The following MAP7D2 variants were observed in gnomAD, a reference collection of about 807,000 sequenced individuals.
The protein encoded by MAP7D2 is MAP7 domain containing 2.
A neutral mutation model predicts 63.5 loss-of-function variants in MAP7D2; 33 were observed. That is an observed-to-expected ratio of 0.52 (90% CI 0.39 to 0.70). The LOEUF (loss-of-function observed/expected upper bound fraction) is 0.70, where lower values mean the gene tolerates loss of function less well. Among genes scored for constraint, MAP7D2 ranks in the 30% least tolerant of loss-of-function variants. The pLI is 0.00. For missense variants in MAP7D2, 626 were observed against 604.0 expected (o/e 1.04, Z -0.38); for synonymous variants, 224 against 223.7 (o/e 1.00, Z -0.01).
intron 1 of MAP7D2, among the ~76,000 whole-genome samples, chrX:20,107,007 ACACACAG>A (rs895002368): frequency 9.1e-5 from 10 of 109,993 alleles, no homozygotes; most frequent in Non-Finnish European, 1.5e-4. Context: ...AAAAAGGACT[ACACACAG>A]AGCTGATGAA....
rs1294095668 is a variant in MAP7D2, at chrX:20,025,667, G to A, written c.1279+14C>T. ...ACCGTCTTGGGAAAGCCAAGGCACG[G>A]TGGCAGCATCTACCTGCGCTGTTTT... On this transcript the variant is annotated intron_variant, in intron 9 of 16. Transcript: ENST00000379643. 1 of 1,210,233 alleles carries A rather than the reference G, an allele frequency of 8.3e-7. No homozygotes were observed. The highest frequency in any genetic ancestry group is 3.0e-5 in the East Asian group (1 of 33,803).
chrX:20,096,534 T>TACATTGG (rs2066275655), intron 1 of MAP7D2, among the ~76,000 whole-genome samples: 1 of 109,371 alleles, frequency 9.1e-6, no homozygotes, highest in African/African-American at 3.3e-5. Context: ...AATGAGTCAG[T>TACATTGG]ACATTGGATA....
Position 20,037,098 on chromosome X carries a change from G to A in MAP7D2, c.1007+5404C>T, listed in dbSNP as rs1213345847. Among the ~76,000 whole-genome samples the A allele has an allele frequency of 3.7e-5, 4 of 109,208 alleles. No individual in the cohort carries two copies. The Admixed American group carries it at 4.0e-4, about 11-fold the overall frequency. 94.8% of individuals were successfully genotyped at this position (109,208 alleles called of 115,157 possible). On this transcript the variant is annotated intron_variant, in intron 8 of 16. Coordinates refer to ENST00000379643, the MANE Select transcript of MAP7D2 (RefSeq NM_001168465.2). ...ACTTCTAGAGGGACAGAAGTAATAG[G>A]ATAGATGTATATATAAAGGGGAGTT... is the stretch of plus-strand genomic sequence containing the variant.
intron 10 of MAP7D2, among the ~76,000 whole-genome samples, chrX:20,019,865 C>T (rs1240351330): frequency 9.0e-6 from 1 of 111,487 alleles, no homozygotes; most frequent in East Asian, 2.8e-4. Context: ...CACTCTGCTG[C>T]CCAACTCCAG....
intron 4 of MAP7D2, among the ~76,000 whole-genome samples, chrX:20,054,530 G>T (rs996957335): frequency 5.4e-5 from 6 of 110,416 alleles, no homozygotes; most frequent in African/African-American, 1.3e-4. Context: ...TTTCACCCTG[G>T]CCCGGGCCCT....
chrX:20,112,019 G>C (rs1393005967), intron 1 of MAP7D2, among the ~76,000 whole-genome samples: 2 of 112,045 alleles, frequency 1.8e-5, no homozygotes, highest in Non-Finnish European at 3.8e-5. Flanking sequence ...CGATCTGTGG[G>C]CCTCAGCCTC....
intron 10 of MAP7D2, among the ~76,000 whole-genome samples, chrX:20,020,687 C>A (rs2073606102): frequency 9.0e-6 from 1 of 111,356 alleles, no homozygotes; most frequent in Non-Finnish European, 1.9e-5. Context: ...CTAGCTCTCA[C>A]CAAAACCACC....
intron 10 of MAP7D2, 121 bp from the exon 11 acceptor site, chrX:20,016,446 G>A (rs1399731660): frequency 1.8e-5 from 11 of 595,941 alleles, no homozygotes; most frequent in Non-Finnish European, 2.9e-5. Flanking sequence ...ACCTTTCAAC[G>A]AGCATTCATT....
At chrX:20,099,399 G>A (rs755956225) in intron 1 of MAP7D2, among the ~76,000 whole-genome samples, 1 of 111,596 alleles carries the variant, frequency 9.0e-6, no homozygotes, top group South Asian at 3.8e-4. Flanking sequence ...GTAAACTAGG[G>A]AATGAAACAG....
At chrX:20,012,852 T>C (rs941814763) in intron 14 of MAP7D2, among the ~76,000 whole-genome samples, 4 of 112,198 alleles carry the variant, frequency 3.6e-5, no homozygotes, top group African/African-American at 6.5e-5. Context: ...GCTGGGATTA[T>C]GGGAGTAACC....
intron 8 of MAP7D2, among the ~76,000 whole-genome samples, chrX:20,040,166 T>C (rs779620550): frequency 4.5e-5 from 5 of 111,401 alleles, no homozygotes; most frequent in Admixed American, 3.8e-4. Flanking sequence ...GACTAAAGGC[T>C]GCACTGTCGG....
intron 6 of MAP7D2, among the ~76,000 whole-genome samples, chrX:20,048,644 G>GGTAT (rs1212824673): frequency 9.0e-6 from 1 of 110,764 alleles, no homozygotes; most frequent in Non-Finnish European, 1.9e-5. Flanking sequence ...AAAGTATACA[G>GGTAT]GACAGGCATG....
At chrX:20,016,990 C>A in intron 10 of MAP7D2, 1 of 115,861 alleles carries the variant, frequency 8.6e-6, no homozygotes. Flanking sequence ...ATGAATGGTT[C>A]ATGGTGTAAT....
Position 20,098,506 on chromosome X carries a change from C to G in MAP7D2, c.130+18244G>C, listed in dbSNP as rs7050217. On this transcript the variant is annotated intron_variant, in intron 1 of 16. Transcript: ENST00000379643. ...CTCTTGGTCCCCACATTTATGGAGA[C>G]TTAGAAGTTCTGTGAAAAGGATGCC... Among the ~76,000 whole-genome samples, 159 of 111,517 alleles carry G rather than the reference C, an allele frequency of 1.4e-3. 2 individuals are homozygous for G. The highest frequency in any genetic ancestry group is 4.9e-3 in the African/African-American group (150 of 30,584).
chrX:20,032,081 AAG>A (rs770601894), intron 8 of MAP7D2, among the ~76,000 whole-genome samples: 1 of 111,774 alleles, frequency 8.9e-6, no homozygotes, highest in Non-Finnish European at 1.9e-5. Flanking sequence ...GTGGGGAAGA[AAG>A]AGTTCTGTGT....
chrX:20,034,000 G>A (rs1270899233), intron 8 of MAP7D2, among the ~76,000 whole-genome samples: 2 of 109,513 alleles, frequency 1.8e-5, no homozygotes, highest in East Asian at 5.7e-4. Context: ...CAAGGCGGGT[G>A]GATCACTTGA....
intron 1 of MAP7D2, among the ~76,000 whole-genome samples, chrX:20,078,516 T>C (rs1603392319): frequency 8.9e-6 from 1 of 112,473 alleles, no homozygotes; most frequent in East Asian, 2.8e-4. Context: ...CGAAGGATGA[T>C]GCTAAGAAAG....
chrX:20,107,458 C>T (rs2066601711), intron 1 of MAP7D2, among the ~76,000 whole-genome samples: 1 of 110,994 alleles, frequency 9.0e-6, no homozygotes, highest in East Asian at 2.8e-4. Flanking sequence ...ATAATCCCAG[C>T]TACTTGGGAG....
At chrX:20,098,995 C>T (rs1436276749) in intron 1 of MAP7D2, among the ~76,000 whole-genome samples, 1 of 112,914 alleles carries the variant, frequency 8.9e-6, no homozygotes, top group Non-Finnish European at 1.9e-5. Flanking sequence ...GCACAGCCAG[C>T]TTGTTTCAGA....
Sources: gnomAD v4.1 joint callset for allele counts (sites outside exome capture counted in the v4.1 genomes callset) on GRCh38, gnomAD v4.1.1 for gene constraint, MANE v1.5 for transcripts, NCBI Gene and HGNC (gene_info 2026-07-23, HGNC 2026-07-21) for gene names.